Variants in MAG observed in about 807,000 individuals in gnomAD.
The protein encoded by MAG is myelin-associated glycoprotein.
In MAG, 30 loss-of-function variants were observed where a neutral mutation model predicts 60.7. The ratio of observed to expected loss-of-function variants is 0.49; its 90% CI spans 0.37 to 0.67. MAG has a LOEUF of 0.67. Ranked by LOEUF, MAG falls within the 30% of genes least tolerant of loss-of-function variation. The pLI, the probability that MAG is intolerant of heterozygous loss-of-function variation, is 0.00. For synonymous variants in MAG, 384 were observed against 376.8 expected (o/e 1.02, Z -0.22); for missense variants, 795 against 851.7 (o/e 0.93, Z 0.83).
In MAG at chr19:35,309,876, GC is replaced by G. The variant is rs2066512444; in HGVS notation, c.1238del (p.Pro413LeufsTer22). The G allele has an allele frequency of 4.4e-6, 7 of 1,605,750 alleles. No homozygotes were observed. Among genetic ancestry groups the G allele is most frequent in the Non-Finnish European group, 6.0e-6 (7 of 1,176,214 alleles). On this transcript the variant is annotated frameshift_variant, in exon 8 of 11. Coordinates refer to ENST00000392213, the MANE Select transcript of MAG (RefSeq NM_002361.4). LOFTEE classifies it high-confidence loss of function. The part of the protein sequence containing the change: ...ATAFNLSVEF[A>X]PVLLLESHCA... ...CAGACCTGATTTTGCCCCTGCAGTC[GC>G]CCCTGTGCTCCTCCTGGAGTCCCAC...
intron 6 of MAG, among the ~76,000 whole-genome samples, chr19:35,300,840 C>T (rs2066443540): frequency 6.6e-6 from 1 of 152,240 alleles, no homozygotes; most frequent in African/African-American, 2.4e-5. Context: ...AGCAAGCCTA[C>T]TACCCCAGCC....
intron 7 of MAG, among the ~76,000 whole-genome samples, chr19:35,307,752 A>G (rs1046747534): frequency 2.6e-5 from 4 of 152,182 alleles, no homozygotes; most frequent in Non-Finnish European, 5.9e-5. Flanking sequence ...GAAAAAACCT[A>G]CCAGTACTAT....
chr19:35,292,644 G>GGTGTGTGTGT lies in MAG; in HGVS notation c.-80+452_-80+461dup, dbSNP rs74172714. ...CATTCTAGCACCTGGGCACATAGCA[G>GGTGTGTGTGT]GTGTGTGTGTGTGTGTGTGTGCGTG... On this transcript the variant is annotated intron_variant, in intron 1 of 10. Transcript: ENST00000392213. 3.1e-3 allele frequency among the ~76,000 whole-genome samples: 465 copies of GGTGTGTGTGT among 150,098 alleles called. 13 individuals are homozygous for GGTGTGTGTGT. In the East Asian group the frequency reaches 0.05, roughly 16 times the overall value.
At chr19:35,300,852 C>T (rs781214848) in intron 6 of MAG, among the ~76,000 whole-genome samples, 1 of 152,136 alleles carries the variant, frequency 6.6e-6, no homozygotes, top group South Asian at 2.1e-4. Context: ...ACCCCAGCCT[C>T]CTGAGCAGCT....
chr19:35,298,992 T>C (rs10432275), intron 4 of MAG, among the ~76,000 whole-genome samples: 88,052 of 149,124 alleles, frequency 0.59, 25,651 homozygotes, highest in Middle Eastern at 0.68. Context: ...ACACACCACA[T>C]ACTACACAAA....
rs1357794658 is a variant in MAG, at chr19:35,295,665, C to T, written c.99C>T (p.Phe33=). 4.3e-6 allele frequency: 7 copies of T among 1,611,844 alleles called. No homozygotes were observed. The highest frequency in any genetic ancestry group is 4.0e-5 in the African/African-American group (3 of 74,902). ...GGATGCCCTCGTCCATCTCGGCCTT[C>T]GAAGGCACGTGCGTCTCCATCCCCT... The part of the protein sequence containing the change: ...GAWMPSSISA[F]EGTCVSIPCR... Residue 33 remains phenylalanine, a synonymous_variant, in exon 4 of 11, where the codon TTC becomes TTT. Transcript: ENST00000392213. The surrounding 1 kb of genome is among the most constrained non-coding windows in gnomAD (Gnocchi z 5.8).
At chr19:35,310,301 AGAG>A in intron 8 of MAG, 140 bp downstream of exon 8, 1 of 1,242,030 alleles carries the variant, frequency 8.1e-7, no homozygotes, top group Non-Finnish European at 1.1e-6. Flanking sequence ...TTCCGGTTGG[AGAG>A]GAGAAGCCGC....
At chr19:35,312,163 C>A in intron 10 of MAG, 146 bp downstream of exon 10, 2 of 1,274,220 alleles carry the variant, frequency 1.6e-6, no homozygotes, top group Non-Finnish European at 2.3e-6. Flanking sequence ...TGGGTTGGAC[C>A]TGGAGGCTGG....
Position 35,299,795 on chromosome 19 carries a change from C to T in MAG, c.657C>T (p.Ala219=), listed in dbSNP as rs199895804. Residue 219 remains alanine, a synonymous_variant, in exon 5 of 11, where the codon GCC becomes GCT. Transcript: ENST00000392213. ...EANGHRLGCQ[A]SFPNTTLQFE... is the part of the protein sequence containing the mutation. The stretch of plus-strand genomic sequence containing the variant: ...ACGGCCACAGGCTGGGCTGCCAGGC[C>T]TCCTTCCCCAACACCACCCTGCAGT... The T allele has an allele frequency of 7.8e-6, 12 of 1,542,246 alleles. No homozygotes were observed. The South Asian group carries it at 9.5e-5, about 12-fold the overall frequency.
chr19:35,313,667 ACC>A lies in MAG; in HGVS notation c.*214_*215del, dbSNP rs1488019202. 1 of 541,186 alleles carries A rather than the reference ACC, an allele frequency of 1.8e-6. No homozygotes were observed. Among genetic ancestry groups the A allele is most frequent in the Non-Finnish European group, 3.3e-6 (1 of 302,444 alleles). 33.5% of individuals were successfully genotyped at this position (541,186 alleles called of 1,614,324 possible). Reference sequence around the variant, plus strand: ...ACGCCCTCATTACGGCTCCTCTCTAACCTCCTTTACCCTCATCTGTCTGGAGG... The same window carrying A: ...ACGCCCTCATTACGGCTCCTCTCTAATCCTTTACCCTCATCTGTCTGGAGG... On this transcript the variant is annotated 3_prime_UTR_variant, in exon 11 of 11. Transcript: ENST00000392213.
intron 7 of MAG, among the ~76,000 whole-genome samples, chr19:35,308,251 G>A (rs552587530): frequency 1.3e-5 from 2 of 152,178 alleles, no homozygotes; most frequent in Non-Finnish European, 2.9e-5. Flanking sequence ...GAGGGAGGGC[G>A]TTCCACAGGC....
chr19:35,292,891 C>G (rs191867684), intron 1 of MAG, among the ~76,000 whole-genome samples: 2 of 152,090 alleles, frequency 1.3e-5, no homozygotes, highest in South Asian at 2.1e-4. Flanking sequence ...TGAGCCACTG[C>G]GCCCGGCCCC....
Position 35,309,989 on chromosome 19 carries a change from C to T in MAG, c.1347C>T (p.Arg449=). The T allele has an allele frequency of 6.2e-7, 1 of 1,614,034 alleles. No homozygotes were observed. Among genetic ancestry groups the T allele is most frequent in the Non-Finnish European group, 8.5e-7 (1 of 1,179,942 alleles). ...CCGTGGCCTTTGAGCTGCCATCGCG[C>T]AATGTGACCGTGAACGAGAGCGAGC... ...EPSVAFELPS[R]NVTVNESERE... is the part of the protein sequence containing the mutation. Residue 449 remains arginine (R), a synonymous_variant, in exon 8 of 11, where the codon CGC becomes CGT. Coordinates refer to ENST00000392213, the MANE Select transcript of MAG (RefSeq NM_002361.4).
intron 8 of MAG, 38 bp from the exon 9 acceptor site, chr19:35,310,509 C>G: frequency 6.4e-7 from 1 of 1,569,598 alleles, no homozygotes; most frequent in Non-Finnish European, 8.8e-7. Flanking sequence ...CACCACCACC[C>G]ATAGCCCTAA....
At chr19:35,297,035 G>C (rs549822513) in intron 4 of MAG, among the ~76,000 whole-genome samples, 3 of 146,014 alleles carry the variant, frequency 2.1e-5, no homozygotes, top group Non-Finnish European at 3.0e-5. Context: ...ATGAGGCAGG[G>C]GGATCCCTGA....
intron 4 of MAG, among the ~76,000 whole-genome samples, chr19:35,296,198 G>A (rs1260377467): frequency 1.3e-5 from 2 of 152,228 alleles, no homozygotes; most frequent in Admixed American, 6.5e-5. Flanking sequence ...CTGCCCTCAG[G>A]GGGAAACAGG....
chr19:35,301,727 G>C (rs772407926), intron 6 of MAG, among the ~76,000 whole-genome samples: 1 of 152,016 alleles, frequency 6.6e-6, no homozygotes, highest in Non-Finnish European at 1.5e-5. Flanking sequence ...ACCACACTCA[G>C]CCTAATTTTT....
chr19:35,297,390 A>C (rs1471345068), intron 4 of MAG, among the ~76,000 whole-genome samples: 9 of 144,180 alleles, frequency 6.2e-5, no homozygotes, highest in Non-Finnish European at 1.4e-4. Flanking sequence ...CACACACTAC[A>C]CACACACCAC....
chr19:35,299,534 C>T lies in MAG; in HGVS notation c.416-20C>T, dbSNP rs772362378. On this transcript the variant is annotated intron_variant, in intron 4 of 10. Transcript: ENST00000392213. ...GCCCAGTGCTGCTTTCTCAGCCCTC[C>T]CTTTCCCCGCCTCGTATAGACACCC... 6.5e-7 allele frequency: 1 copy of T among 1,547,420 alleles called. No homozygotes were observed. Among genetic ancestry groups the T allele is most frequent in the African/African-American group, 1.4e-5 (1 of 73,502 alleles).
Sources: allele counts gnomAD v4.1 joint callset (sites outside exome capture counted in the v4.1 genomes callset), GRCh38; gene constraint gnomAD v4.1.1; non-coding constraint Gnocchi (gnomAD v3.1); transcripts MANE v1.5; gene names NCBI Gene and HGNC (gene_info 2026-07-23, HGNC 2026-07-21).